The following LDAH variants were observed in gnomAD, a reference collection of about 807,000 sequenced individuals.
The protein encoded by LDAH is lipid droplet associated hydrolase, also known as lipid droplet-associated hydrolase.
Under a neutral mutation model 29.6 loss-of-function variants are expected in LDAH, and 26 were observed. The observed-to-expected ratio is 0.88, with a 90% CI of 0.64 to 1.22. LDAH has a LOEUF of 1.22. Among genes scored for constraint, LDAH ranks in the 50% most tolerant of loss-of-function variants. The pLI, the probability that LDAH is intolerant of heterozygous loss-of-function variation, is 0.00. For missense variants in LDAH, 344 were observed against 387.3 expected (o/e 0.89, Z 0.94); for synonymous variants, 117 against 133.0 (o/e 0.88, Z 0.83).
chr2:20,746,459 T>G (rs751663572), intron 4 of LDAH, among the ~76,000 whole-genome samples: 1 of 152,198 alleles, frequency 6.6e-6, no homozygotes, highest in Non-Finnish European at 1.5e-5. Flanking sequence ...AATATGTACA[T>G]TGAATGCGTC....
intron 5 of LDAH, among the ~76,000 whole-genome samples, chr2:20,719,886 C>T (rs752856035): frequency 1.3e-5 from 2 of 152,040 alleles, no homozygotes; most frequent in Non-Finnish European, 2.9e-5. Context: ...TGTTTCAATA[C>T]ATGCTGGAAA....
intron 4 of LDAH, among the ~76,000 whole-genome samples, chr2:20,759,001 T>A (rs956778701): frequency 3.9e-5 from 6 of 152,306 alleles, no homozygotes; most frequent in African/African-American, 1.4e-4. Context: ...AATATAATAT[T>A]ACTGAAGCTC....
chr2:20,797,612 C>A (rs998252814), intron 2 of LDAH, among the ~76,000 whole-genome samples: 3 of 152,164 alleles, frequency 2.0e-5, no homozygotes, highest in African/African-American at 7.2e-5. Flanking sequence ...CCTAGACACA[C>A]CTCTGGATAA....
At position 20,808,395 on chromosome 2, in the gene LDAH, C is replaced by T. The variant is rs968792350; in HGVS notation, c.-2-6930G>A. Reference sequence around the variant, plus strand: ...AACAAGACAAGGCCGGGCGCGGTGGCTCACACGCCTGTAATCCCAGCACTT... The same window carrying T: ...AACAAGACAAGGCCGGGCGCGGTGGTTCACACGCCTGTAATCCCAGCACTT... On this transcript the variant is annotated intron_variant, in intron 1 of 6. Transcript: ENST00000237822. Among the ~76,000 whole-genome samples the T allele has an allele frequency of 5.3e-5, 8 of 152,250 alleles. No homozygotes were observed. In the East Asian group the frequency reaches 1.5e-3, roughly 29 times the overall value.
intron 5 of LDAH, among the ~76,000 whole-genome samples, chr2:20,737,217 CCTG>C (rs1459343728): frequency 6.6e-6 from 1 of 152,088 alleles, no homozygotes. Context: ...CCCTACATAG[CCTG>C]CTTTCTATTC....
intron 2 of LDAH, among the ~76,000 whole-genome samples, chr2:20,793,477 A>C (rs540772322): frequency 7.2e-4 from 109 of 152,292 alleles, no homozygotes; most frequent in Non-Finnish European, 1.4e-3. Context: ...GAAATGGAAG[A>C]CAGTCCATAA....
At chr2:20,694,201 C>A (rs1382883994) in intron 6 of LDAH, among the ~76,000 whole-genome samples, 1 of 152,220 alleles carries the variant, frequency 6.6e-6, no homozygotes, top group African/African-American at 2.4e-5. Context: ...CCCCTTGAAG[C>A]TTTCCCGGGC....
chr2:20,761,966 C>A (rs1042308579), intron 4 of LDAH, among the ~76,000 whole-genome samples: 3 of 150,332 alleles, frequency 2.0e-5, no homozygotes, highest in African/African-American at 4.9e-5. Flanking sequence ...AAAAAAAAAA[C>A]CCAAACTCAC....
At chr2:20,701,530 C>T in intron 6 of LDAH, 40 bp downstream of exon 6, 6 of 1,530,722 alleles carry the variant, frequency 3.9e-6, no homozygotes, top group Non-Finnish European at 5.4e-6. Context: ...CTCTGCCCAT[C>T]TACTTATTAT....
In LDAH at chr2:20,703,880, C is replaced by T. The variant is rs115685577; in HGVS notation, c.704-2228G>A. 6.8e-3 allele frequency among the ~76,000 whole-genome samples: 1,029 copies of T among 152,276 alleles called. 10 individuals carry two copies. Among genetic ancestry groups the T allele is most frequent in the African/African-American group, 0.022 (904 of 41,542 alleles). The stretch of plus-strand genomic sequence containing the variant: ...ACTTTATGCCAGGCCTTATTTTAGG[C>T]GCTGGAGATGGAGCAACAAACAAGA... On this transcript the variant is annotated intron_variant, in intron 5 of 6. Coordinates refer to ENST00000237822, the MANE Select transcript of LDAH (RefSeq NM_021925.4).
At chr2:20,749,084 C>G (rs544976482) in intron 4 of LDAH, among the ~76,000 whole-genome samples, 2 of 152,236 alleles carry the variant, frequency 1.3e-5, no homozygotes, top group Non-Finnish European at 1.5e-5. Flanking sequence ...CTACAGTATG[C>G]CAGGTGCTGT....
intron 4 of LDAH, among the ~76,000 whole-genome samples, chr2:20,751,601 AT>A (rs1572546389): frequency 3.3e-5 from 5 of 152,212 alleles, no homozygotes; most frequent in African/African-American, 1.2e-4. Context: ...CATTTATTCT[AT>A]TTACACATTT....
At chr2:20,755,417 T>G (rs946086326) in intron 4 of LDAH, among the ~76,000 whole-genome samples, 3 of 152,200 alleles carry the variant, frequency 2.0e-5, no homozygotes, top group Non-Finnish European at 4.4e-5. Flanking sequence ...ACATATTAAT[T>G]TACTCATTTT....
chr2:20,812,423 C>T (rs1381049482), intron 1 of LDAH, among the ~76,000 whole-genome samples: 1 of 152,160 alleles, frequency 6.6e-6, no homozygotes, highest in East Asian at 1.9e-4. Context: ...AAGTTCCTGT[C>T]AAGTTTTTCC....
At chr2:20,789,156 T>C in intron 3 of LDAH, 1 of 1,550,526 alleles carries the variant, frequency 6.4e-7, no homozygotes, top group Non-Finnish European at 8.7e-7. Context: ...CCAGCTGTAA[T>C]GGTCTGAATG....
rs1031981366 is a variant in LDAH at position 20,706,109 on chromosome 2, G to C, written c.704-4457C>G. Reference sequence around the variant, plus strand: ...GCTAATGTCTACCTTACTGAGCAGTGAAGTTCTTTCTAGAGCTACAAATAA... The same window carrying C: ...GCTAATGTCTACCTTACTGAGCAGTCAAGTTCTTTCTAGAGCTACAAATAA... On this transcript the variant is annotated intron_variant, in intron 5 of 6. Coordinates refer to ENST00000237822, the MANE Select transcript of LDAH (RefSeq NM_021925.4). Among the ~76,000 whole-genome samples the C allele has an allele frequency of 7.2e-5, 11 of 152,288 alleles. No homozygotes were observed. In the East Asian group the frequency reaches 1.9e-3, roughly 27 times the overall value.
At chr2:20,717,896 C>T (rs1009391165) in intron 5 of LDAH, among the ~76,000 whole-genome samples, 3 of 152,162 alleles carry the variant, frequency 2.0e-5, no homozygotes, top group Non-Finnish European at 2.9e-5. Context: ...TAGAGATCTT[C>T]CCACGTTAGC....
chr2:20,785,067 T>C (rs1201579964), intron 3 of LDAH, among the ~76,000 whole-genome samples: 1 of 152,230 alleles, frequency 6.6e-6, no homozygotes, highest in East Asian at 1.9e-4. Context: ...GTTACTTTTA[T>C]TACTTTGAAT....
chr2:20,687,987 TG>T (rs1662690696), intron 6 of LDAH, among the ~76,000 whole-genome samples: 1 of 152,258 alleles, frequency 6.6e-6, no homozygotes, highest in Non-Finnish European at 1.5e-5. Context: ...GTTGGCCAGC[TG>T]TAGTCACTTG....
Sources: allele counts gnomAD v4.1 joint callset (sites outside exome capture counted in the v4.1 genomes callset), GRCh38; gene constraint gnomAD v4.1.1; transcripts MANE v1.5; gene names NCBI Gene and HGNC (gene_info 2026-07-23, HGNC 2026-07-21).